NCOR1: variants seen among roughly 807,000 people sequenced by gnomAD.
The protein encoded by NCOR1 is nuclear receptor corepressor 1.
NCOR1 carries 63 observed loss-of-function variants against 288.1 expected under a neutral mutation model. The observed-to-expected ratio is 0.22, with a 90% confidence interval of 0.18 to 0.27. NCOR1 has a LOEUF of 0.27. Among genes scored for constraint, NCOR1 ranks in the 10% least tolerant of loss-of-function variants. The pLI, the probability that NCOR1 is intolerant of heterozygous loss-of-function variation, is 1.00. For synonymous variants in NCOR1, 1,007 were observed against 1,065.9 expected, an observed-to-expected ratio of 0.94 and a Z score of 1.08; for missense variants, 2,397 against 3,019.2, an observed-to-expected ratio of 0.79 and a Z score of 4.83.
At chr17:16,101,927 A>AAGAGAC in intron 19 of NCOR1, 170 bp from the exon 20 acceptor site, 6 of 808,158 alleles carry the variant, frequency 7.4e-6, no homozygotes. Context: ...TCATTGAAGT[A>AAGAGAC]TTTACAGCCA....
At chr17:16,115,535 C>T (rs1259548134) in intron 18 of NCOR1, among the ~76,000 whole-genome samples, 2 of 152,176 alleles carry the variant, frequency 1.3e-5, no homozygotes, top group East Asian at 3.9e-4. Flanking sequence ...CTCTAGAATG[C>T]TTTGCTGCTT....
intron 1 of NCOR1, among the ~76,000 whole-genome samples, chr17:16,196,112 T>A (rs1165004510): frequency 2.0e-5 from 3 of 149,570 alleles, no homozygotes; most frequent in African/African-American, 7.3e-5. Flanking sequence ...AGAATTTATA[T>A]ATGATGAAAA....
At chr17:16,164,849 A>G in intron 5 of NCOR1, 130 bp downstream of exon 5, 1 of 612,132 alleles carries the variant, frequency 1.6e-6, no homozygotes, top group African/African-American at 1.9e-5. Flanking sequence ...CAGTAGCAAA[A>G]AAACAGCAAG....
intron 14 of NCOR1, among the ~76,000 whole-genome samples, chr17:16,126,577 T>A (rs1001262417): frequency 4.6e-5 from 7 of 152,216 alleles, no homozygotes; most frequent in Admixed American, 2.6e-4. Flanking sequence ...ATGTTTTAGA[T>A]ACTTAATATG....
In NCOR1 at chr17:16,158,883, C is replaced by T. The variant is rs1451632026; in HGVS notation, c.619-10G>A. ...CTTCTTCAAGCTGTTGCTAAGAGAT[C>T]CAGAAAGAAAGAGTCAAGCATGTGC... On this transcript the variant is annotated splice_polypyrimidine_tract_variant and intron_variant, in intron 5 of 45. Coordinates refer to ENST00000268712, the MANE Select transcript of NCOR1 (RefSeq NM_006311.4). 11 of 1,603,192 alleles carry T rather than the reference C, an allele frequency of 6.9e-6. No homozygotes were observed. The highest frequency in any genetic ancestry group is 2.2e-5 in the East Asian group (1 of 44,816).
At chr17:16,058,955 C>T (rs765460154) in intron 37 of NCOR1, among the ~76,000 whole-genome samples, 4 of 143,686 alleles carry the variant, frequency 2.8e-5, no homozygotes, top group East Asian at 2.1e-4. Flanking sequence ...AGGCTGAGGC[C>T]GGAGAATCGC....
chr17:16,053,606 T>C (rs2059566465), intron 40 of NCOR1, among the ~76,000 whole-genome samples: 2 of 152,180 alleles, frequency 1.3e-5, no homozygotes, highest in African/African-American at 4.8e-5. Flanking sequence ...ATCATTAAAA[T>C]GGCCGTACTG....
chr17:16,048,821 G>A (rs1172388262), intron 41 of NCOR1, 24 bp downstream of exon 41: 1 of 1,569,330 alleles, frequency 6.4e-7, no homozygotes, highest in South Asian at 1.2e-5. Context: ...ATGAATGGTT[G>A]CTGTCACTAG....
rs553792946 is a variant in NCOR1 at position 16,041,563 on chromosome 17, C to T, written c.6680-1069G>A. 2.7e-4 allele frequency among the ~76,000 whole-genome samples: 41 copies of T among 150,516 alleles called. No homozygotes were observed. In the South Asian group the frequency reaches 6.4e-3, roughly 23 times the overall value. On this transcript the variant is annotated intron_variant, in intron 42 of 45. Transcript: ENST00000268712. Reference sequence around the variant, plus strand: ...CGAGCAGCTGGGATTATAGGCCCCCCGCCACCATGCCCAGCTAATTTTTGT... The same window carrying T: ...CGAGCAGCTGGGATTATAGGCCCCCTGCCACCATGCCCAGCTAATTTTTGT...
At chr17:16,132,992 G>A (rs1004376704) in intron 14 of NCOR1, among the ~76,000 whole-genome samples, 2 of 148,804 alleles carry the variant, frequency 1.3e-5, no homozygotes, top group African/African-American at 5.0e-5. Context: ...TTTTCCAGAC[G>A]GGGTCTTGCT....
chr17:16,073,363 C>T, intron 28 of NCOR1, 66 bp downstream of exon 28: 2 of 1,397,830 alleles, frequency 1.4e-6, no homozygotes, highest in South Asian at 3.4e-5. Context: ...CAACTTAATT[C>T]AACAATGCAA....
chr17:16,101,065 A>C (rs1226329292), intron 20 of NCOR1, among the ~76,000 whole-genome samples, 185 bp downstream of exon 20: 18 of 152,272 alleles, frequency 1.2e-4, no homozygotes, highest in Non-Finnish European at 1.9e-4. Context: ...TGTTTCATTA[A>C]AATGATCATA....
Position 16,035,065 on chromosome 17 carries a change from C to T in NCOR1, c.6956-121G>A, listed in dbSNP as rs1321903214. ...GAATGGTAACATGAAGAATCCAGAT[C>T]CTGGTACTCAATGAAATAAAATACT... On this transcript the variant is annotated intron_variant, in intron 44 of 45. Transcript: ENST00000268712. The T allele has an allele frequency of 9.0e-6, 8 of 890,896 alleles. No homozygotes were observed. The East Asian group carries it at 2.1e-4, about 23-fold the overall frequency. The allele number at this position is 890,896 out of a possible 1,614,324, so 55.2% of individuals were successfully genotyped here.
chr17:16,193,879 G>A (rs2089178646), intron 2 of NCOR1, among the ~76,000 whole-genome samples: 1 of 151,954 alleles, frequency 6.6e-6, no homozygotes, highest in African/African-American at 2.4e-5. Context: ...TGAGAGGACC[G>A]TTTTATCCCA....
At chr17:16,186,781 G>C in intron 2 of NCOR1, 94 bp from the exon 3 acceptor site, 1 of 1,099,492 alleles carries the variant, frequency 9.1e-7, no homozygotes, top group Non-Finnish European at 1.3e-6. Context: ...GGGCCACTAA[G>C]TATGGAAAGA....
At position 16,075,688 on chromosome 17, in the gene NCOR1, C is replaced by G. The variant is rs1212055022; in HGVS notation, c.3516G>C (p.Leu1172=). Reference sequence around the variant, plus strand: ...CCTCTGTTGGTATGCCAGTCTGGGGCAGAGCCGGGGTGCCCTGCCATCAAA... The same window carrying G: ...CCTCTGTTGGTATGCCAGTCTGGGGGAGAGCCGGGGTGCCCTGCCATCAAA... The part of the protein sequence containing the change: ...RGSITQGTPA[L]PQTGIPTEAL... The change falls in exon 27 of 46, where the codon CTG becomes CTC. Residue 1172 remains leucine (L), a synonymous_variant. Coordinates refer to ENST00000268712, the MANE Select transcript of NCOR1 (RefSeq NM_006311.4). The G allele has an allele frequency of 6.2e-7, 1 of 1,614,128 alleles. No individual in the cohort carries two copies. Among genetic ancestry groups the G allele is most frequent in the Non-Finnish European group, 8.5e-7 (1 of 1,180,008 alleles).
At chr17:16,053,350 G>A (rs1001848951) in intron 40 of NCOR1, among the ~76,000 whole-genome samples, 1 of 152,126 alleles carries the variant, frequency 6.6e-6, no homozygotes, top group Non-Finnish European at 1.5e-5. Flanking sequence ...CAAAGTCTCA[G>A]GATACATCAG....
intron 32 of NCOR1, among the ~76,000 whole-genome samples, chr17:16,066,440 A>G (rs1280799223): frequency 6.6e-6 from 1 of 151,594 alleles, no homozygotes; most frequent in Non-Finnish European, 1.5e-5. Context: ...AAAGTAGATA[A>G]TGTCTCTCTC....
At chr17:16,138,314 G>C in intron 12 of NCOR1, 102 bp from the exon 13 acceptor site, 1 of 1,005,122 alleles carries the variant, frequency 9.9e-7, no homozygotes, top group Non-Finnish European at 1.5e-6. Flanking sequence ...GCTGGGCGTG[G>C]TGGCTCATGC....
Sources: gnomAD v4.1 joint callset for allele counts (sites outside exome capture counted in the v4.1 genomes callset) on GRCh38, gnomAD v4.1.1 for gene constraint, MANE v1.5 for transcripts, NCBI Gene and HGNC (gene_info 2026-07-23, HGNC 2026-07-21) for gene names.